Variants in NUBPL observed in about 807,000 individuals in gnomAD.
NUBPL encodes the protein NUBP iron-sulfur cluster assembly factor, mitochondrial, also known as iron-sulfur cluster transfer protein NUBPL.
NUBPL carries 31 observed loss-of-function variants against 45.7 expected under a neutral mutation model. That is an observed-to-expected ratio of 0.68 (90% CI 0.51 to 0.92). The LOEUF (loss-of-function observed/expected upper bound fraction) is 0.92, where lower values mean the gene tolerates loss of function less well. NUBPL is among the 40% of genes least tolerant of loss of function. NUBPL has a pLI of 0.00. For missense variants in NUBPL, 401 were observed against 398.7 expected (o/e 1.01, Z -0.05); for synonymous variants, 144 against 140.9 (o/e 1.02, Z -0.15).
chr14:31,817,423 A>C (rs2039940442), intron 7 of NUBPL, among the ~76,000 whole-genome samples: 1 of 152,304 alleles, frequency 6.6e-6, no homozygotes. Flanking sequence ...AAGGGCAGCC[A>C]GAGAGAAAGG....
At chr14:31,567,139 C>A (rs6571434) in intron 3 of NUBPL, among the ~76,000 whole-genome samples, 103,592 of 151,612 alleles carry the variant, frequency 0.68, 35,819 homozygotes, top group African/African-American at 0.8. Flanking sequence ...ATAATTTCCT[C>A]TCTGAACTTT....
At chr14:31,847,677 G>A (rs1356715935) in intron 9 of NUBPL, among the ~76,000 whole-genome samples, 2 of 152,136 alleles carry the variant, frequency 1.3e-5, no homozygotes, top group Non-Finnish European at 2.9e-5. Flanking sequence ...TTAGACTTAG[G>A]TAGTTAAAAA....
intron 4 of NUBPL, among the ~76,000 whole-genome samples, chr14:31,637,126 G>A (rs1281813561): frequency 9.2e-5 from 14 of 152,022 alleles, no homozygotes; most frequent in Non-Finnish European, 8.8e-5. Flanking sequence ...CTTGCCTTCT[G>A]CTAGCTTTTG....
intron 4 of NUBPL, among the ~76,000 whole-genome samples, chr14:31,627,529 A>T (rs578193058): frequency 2.6e-5 from 4 of 152,094 alleles, no homozygotes; most frequent in Non-Finnish European, 5.9e-5. Context: ...CTGTAATCCC[A>T]GCACTTTAGG....
intron 6 of NUBPL, among the ~76,000 whole-genome samples, chr14:31,767,192 CTTAT>C (rs2038929441): frequency 6.6e-6 from 1 of 151,934 alleles, no homozygotes; most frequent in Admixed American, 6.6e-5. Context: ...CTATTTCTGG[CTTAT>C]TTATTTATTT....
At chr14:31,838,364 C>T (rs886810928) in intron 8 of NUBPL, among the ~76,000 whole-genome samples, 1 of 148,104 alleles carries the variant, frequency 6.8e-6, no homozygotes, top group Non-Finnish European at 1.5e-5. Context: ...CTGGAAACAA[C>T]CCAAATGACC....
chr14:31,755,886 G>C (rs2038649288), intron 6 of NUBPL, among the ~76,000 whole-genome samples: 1 of 150,828 alleles, frequency 6.6e-6, no homozygotes, highest in Admixed American at 6.6e-5. Flanking sequence ...TAAGGTGTAA[G>C]GAAGGGATCC....
At chr14:31,688,454 G>A (rs1226133349) in intron 6 of NUBPL, among the ~76,000 whole-genome samples, 2 of 151,864 alleles carry the variant, frequency 1.3e-5, no homozygotes, top group Admixed American at 6.6e-5. Flanking sequence ...GTGGGCGCCT[G>A]TAATCCCAGC....
At chr14:31,817,795 A>G (rs940760356) in intron 7 of NUBPL, among the ~76,000 whole-genome samples, 1 of 152,196 alleles carries the variant, frequency 6.6e-6, no homozygotes, top group Non-Finnish European at 1.5e-5. Flanking sequence ...GACAGCATCA[A>G]ATTCACAAAT....
At chr14:31,721,837 G>T (rs1413578114) in intron 6 of NUBPL, among the ~76,000 whole-genome samples, 1 of 151,594 alleles carries the variant, frequency 6.6e-6, no homozygotes, top group Non-Finnish European at 1.5e-5. Context: ...TCATCTCTTA[G>T]CTCCCTCACT....
At chr14:31,821,964 T>C (rs978198692) in intron 7 of NUBPL, among the ~76,000 whole-genome samples, 1 of 152,200 alleles carries the variant, frequency 6.6e-6, no homozygotes, top group Non-Finnish European at 1.5e-5. Flanking sequence ...TTCTCACTTA[T>C]TTGTGGGATC....
At chr14:31,750,858 T>A (rs141355270) in intron 6 of NUBPL, among the ~76,000 whole-genome samples, 1 of 152,288 alleles carries the variant, frequency 6.6e-6, no homozygotes, top group Admixed American at 6.5e-5. Flanking sequence ...TGAGACTGGG[T>A]AATTTATGAA....
In NUBPL at chr14:31,669,237, C is replaced by T. The variant is rs150792334; in HGVS notation, c.383-4118C>T. 2.2e-3 allele frequency among the ~76,000 whole-genome samples: 329 copies of T among 152,220 alleles called. 3 individuals carry two copies. The highest frequency in any genetic ancestry group is 7.5e-3 in the African/African-American group (312 of 41,532). On this transcript the variant is annotated intron_variant, in intron 4 of 10. Transcript: ENST00000281081. Reference sequence around the variant, plus strand: ...ATTTGATGTGTCAGTATATGTATTGCATTGTATCATAATTAAATCAGGGTA... The same window carrying T: ...ATTTGATGTGTCAGTATATGTATTGTATTGTATCATAATTAAATCAGGGTA...
rs929109845 is a variant in NUBPL, at chr14:31,700,385, C to T, written c.513+26811C>T. Reference sequence around the variant, plus strand: ...CTTCAGTAGTAGTGAGAGGTGACAGCGTGCTGGCAGCCCTCGCTTGCTCTC... The same window carrying T: ...CTTCAGTAGTAGTGAGAGGTGACAGTGTGCTGGCAGCCCTCGCTTGCTCTC... On this transcript the variant is annotated intron_variant, in intron 6 of 10. Transcript: ENST00000281081. 2.1e-3 allele frequency among the ~76,000 whole-genome samples: 315 copies of T among 152,144 alleles called. 1 individual carries two copies. The highest frequency in any genetic ancestry group is 6.9e-3 in the African/African-American group (288 of 41,524).
At chr14:31,678,515 C>T (rs1465168719) in intron 6 of NUBPL, among the ~76,000 whole-genome samples, 2 of 152,160 alleles carry the variant, frequency 1.3e-5, no homozygotes, top group Non-Finnish European at 2.9e-5. Context: ...AGGTGTTGGT[C>T]CTGCCATGAC....
At chr14:31,677,860 C>T (rs758034722) in intron 6 of NUBPL, among the ~76,000 whole-genome samples, 5 of 152,172 alleles carry the variant, frequency 3.3e-5, no homozygotes, top group South Asian at 2.1e-4. Flanking sequence ...GGTGGCAAAG[C>T]GAGACAGGCT....
intron 6 of NUBPL, among the ~76,000 whole-genome samples, chr14:31,700,427 C>T (rs1286827649): frequency 6.6e-6 from 1 of 152,174 alleles, no homozygotes; most frequent in African/African-American, 2.4e-5. Context: ...TTCTCGGCCT[C>T]AGCGCCTACT....
At chr14:31,833,820 A>G (rs547910652) in intron 8 of NUBPL, among the ~76,000 whole-genome samples, 2 of 152,312 alleles carry the variant, frequency 1.3e-5, no homozygotes, top group Admixed American at 6.5e-5. Context: ...CCTAGATGTG[A>G]TACACATACT....
intron 4 of NUBPL, among the ~76,000 whole-genome samples, chr14:31,646,875 T>C (rs2139722002): frequency 6.6e-6 from 1 of 152,162 alleles, no homozygotes; most frequent in East Asian, 1.9e-4. Context: ...ATTTTCTATA[T>C]CTTGTAGGCA....
Sources: allele counts gnomAD v4.1 joint callset (sites outside exome capture counted in the v4.1 genomes callset), GRCh38; gene constraint gnomAD v4.1.1; transcripts MANE v1.5; gene names NCBI Gene and HGNC (gene_info 2026-07-23, HGNC 2026-07-21).